The following PPP6R3 variants were observed in gnomAD, a reference collection of about 807,000 sequenced individuals.
PPP6R3 encodes protein phosphatase 6 regulatory subunit 3.
In PPP6R3, 38 loss-of-function variants were observed where a neutral mutation model predicts 110.7. The observed-to-expected ratio is 0.34, with a 90% CI of 0.26 to 0.45. The LOEUF is 0.45. PPP6R3 is among the 20% of genes least tolerant of loss of function. The probability of loss-of-function intolerance (pLI) is 1.00; values close to 1 mark genes in which losing one functional copy is unlikely to be tolerated. For synonymous variants in PPP6R3, 369 were observed against 373.5 expected (o/e 0.99, Z 0.14); for missense variants, 870 against 1,062.4 (o/e 0.82, Z 2.52).
chr11:68,582,708 A>G (rs534471516), intron 14 of PPP6R3, among the ~76,000 whole-genome samples: 8 of 152,316 alleles, frequency 5.3e-5, no homozygotes, highest in African/African-American at 1.9e-4. Context: ...CTGTGCCATT[A>G]CCTCTGTCTT....
intron 14 of PPP6R3, among the ~76,000 whole-genome samples, chr11:68,581,088 T>G (rs2099552679): frequency 6.6e-6 from 1 of 152,144 alleles, no homozygotes; most frequent in Non-Finnish European, 1.5e-5. Flanking sequence ...ATCATCTTTT[T>G]AGCTCATTTT....
At position 68,599,381 on chromosome 11, in the gene PPP6R3, G is replaced by A. The variant is rs117335053; in HGVS notation, c.2039-960G>A. Among the ~76,000 whole-genome samples, 827 of 152,314 alleles carry A rather than the reference G, an allele frequency of 5.4e-3. 5 individuals carry two copies. The highest frequency in any genetic ancestry group is 8.4e-3 in the Non-Finnish European group (568 of 68,022). On this transcript the variant is annotated intron_variant, in intron 19 of 23. Coordinates refer to ENST00000393800, the MANE Select transcript of PPP6R3 (RefSeq NM_001164161.2). Reference sequence around the variant, plus strand: ...CATTTAAGGAGAGACCTGCAGATTAGACCCAAACTTGGCCAGCAGGCAGCA... The same window carrying A: ...CATTTAAGGAGAGACCTGCAGATTAAACCCAAACTTGGCCAGCAGGCAGCA...
intron 1 of PPP6R3, chr11:68,488,580 T>A (rs2098963343): frequency 6.6e-6 from 1 of 152,472 alleles, no homozygotes; most frequent in Non-Finnish European, 1.5e-5. Flanking sequence ...TTCTTCCCTG[T>A]CAACGGAGGT....
intron 2 of PPP6R3, among the ~76,000 whole-genome samples, chr11:68,537,113 A>C (rs765999165): frequency 3.3e-5 from 5 of 152,228 alleles, no homozygotes; most frequent in Non-Finnish European, 7.3e-5. Flanking sequence ...CCTAGTAAAC[A>C]GAGGAGAATC....
In PPP6R3 at chr11:68,590,644, T is replaced by A. The variant is rs1171238156; in HGVS notation, c.1731-16T>A. The A allele has an allele frequency of 6.6e-7, 1 of 1,509,408 alleles. No individual in the cohort carries two copies. Among genetic ancestry groups the A allele is most frequent in the East Asian group, 2.4e-5 (1 of 42,298 alleles). The allele number at this position is 1,509,408 out of a possible 1,614,324, so 93.5% of individuals were successfully genotyped here. A position where few individuals can be genotyped will look rare whatever the true frequency, so the allele number is the denominator to read the frequency against. On this transcript the variant is annotated splice_polypyrimidine_tract_variant and intron_variant, in intron 16 of 23. Transcript: ENST00000393800. ...GTAATTAATGCTTCCTACACTTTTA[T>A]TTTGTTTTTTTACAGTGTTTCTTTT...
chr11:68,609,651 GTT>G (rs760122671), intron 22 of PPP6R3: 4 of 1,555,080 alleles, frequency 2.6e-6, no homozygotes, highest in South Asian at 2.4e-5. Context: ...TTATGGGACC[GTT>G]CTTTATCAGA....
intron 2 of PPP6R3, among the ~76,000 whole-genome samples, chr11:68,523,758 TTATAA>T (rs2099178947): frequency 7.4e-6 from 1 of 134,960 alleles, no homozygotes; most frequent in East Asian, 2.5e-4. Flanking sequence ...GGGTGATAGA[TTATAA>T]TATGTTATTC....
At chr11:68,474,699 G>C (rs907280983) in intron 1 of PPP6R3, among the ~76,000 whole-genome samples, 2 of 152,078 alleles carry the variant, frequency 1.3e-5, no homozygotes, top group Non-Finnish European at 2.9e-5. Context: ...AGTGTTTTCT[G>C]TCTCAGATTT....
chr11:68,600,300 A>T (rs1262607025), intron 19 of PPP6R3, 41 bp from the exon 20 acceptor site: 1 of 1,586,036 alleles, frequency 6.3e-7, no homozygotes, highest in South Asian at 1.1e-5. Context: ...ACATGAAACG[A>T]CTGAAGTGTT....
chr11:68,499,173 A>G (rs1213067959), intron 1 of PPP6R3, among the ~76,000 whole-genome samples: 1 of 152,000 alleles, frequency 6.6e-6, no homozygotes, highest in Non-Finnish European at 1.5e-5. Flanking sequence ...ATTATCCCCA[A>G]ACGTAGTGGA....
intron 1 of PPP6R3, among the ~76,000 whole-genome samples, chr11:68,514,787 G>A (rs2099127868): frequency 6.6e-6 from 1 of 152,222 alleles, no homozygotes; most frequent in Admixed American, 6.5e-5. Flanking sequence ...GTTTCGCCAT[G>A]TTGGCCAGGC....
At chr11:68,594,560 A>G (rs1169693563) in intron 18 of PPP6R3, among the ~76,000 whole-genome samples, 3 of 152,232 alleles carry the variant, frequency 2.0e-5, no homozygotes, top group Non-Finnish European at 2.9e-5. Flanking sequence ...CAAGACCTGT[A>G]TGCTGAAAAG....
intron 1 of PPP6R3, among the ~76,000 whole-genome samples, chr11:68,493,769 T>C (rs1290082064): frequency 1.3e-5 from 2 of 151,780 alleles, no homozygotes; most frequent in Non-Finnish European, 2.9e-5. Context: ...GGTACTGTTA[T>C]TTTTATTAAT....
Position 68,508,121 on chromosome 11 carries a change from C to CTTTTTTTTTTTTTTT in PPP6R3, c.-157-11369_-157-11355dup, listed in dbSNP as rs748376581. On this transcript the variant is annotated intron_variant, in intron 1 of 23. Coordinates refer to ENST00000393800, the MANE Select transcript of PPP6R3 (RefSeq NM_001164161.2). The stretch of plus-strand genomic sequence containing the variant: ...CCCCGGCCTAAGTGAGTTTTTTGGC[C>CTTTTTTTTTTTTTTT]TTTTTTTTTTTTTTTTTTTTTTTTT... Among the ~76,000 whole-genome samples, 41 of 77,622 alleles carry CTTTTTTTTTTTTTTT rather than the reference C, an allele frequency of 5.3e-4. 2 individuals carry two copies. Among genetic ancestry groups the CTTTTTTTTTTTTTTT allele is most frequent in the African/African-American group, 2.2e-3 (36 of 16,442 alleles). The allele number at this position is 77,622 out of a possible 152,430, so 50.9% of individuals were successfully genotyped here.
At position 68,478,647 on chromosome 11, in the gene PPP6R3, G is replaced by GTTTTTTTTTTTTTTTTTTTT. The variant is rs769296530; in HGVS notation, c.-158+17826_-158+17845dup. Among the ~76,000 whole-genome samples, 57 of 50,514 alleles carry GTTTTTTTTTTTTTTTTTTTT rather than the reference G, an allele frequency of 1.1e-3. 20 individuals are homozygous for GTTTTTTTTTTTTTTTTTTTT. Among genetic ancestry groups the GTTTTTTTTTTTTTTTTTTTT allele is most frequent in the African/African-American group, 2.3e-3 (24 of 10,268 alleles). 33.1% of individuals were successfully genotyped at this position (50,514 alleles called of 152,430 possible). A position where few individuals can be genotyped will look rare whatever the true frequency, so the allele number is the denominator to read the frequency against. On this transcript the variant is annotated intron_variant, in intron 1 of 23. Coordinates refer to ENST00000393800, the MANE Select transcript of PPP6R3 (RefSeq NM_001164161.2). ...ACTGATGAGTTAGTGCACTTGGTAAGTTTTTTTTTTTTTTTTTTTTTTTTT... is the reference window on the plus strand; with the variant it reads ...ACTGATGAGTTAGTGCACTTGGTAAGTTTTTTTTTTTTTTTTTTTTTTTTTTTTTTTTTTTTTTTTTTTTT...
intron 10 of PPP6R3, among the ~76,000 whole-genome samples, chr11:68,567,464 G>A (rs1289864107): frequency 6.6e-6 from 1 of 152,178 alleles, no homozygotes; most frequent in Non-Finnish European, 1.5e-5. Context: ...GCTGGGTGCA[G>A]CATTGTTTTC....
intron 5 of PPP6R3, among the ~76,000 whole-genome samples, chr11:68,550,543 A>G (rs192738456): frequency 2.6e-4 from 40 of 152,240 alleles, no homozygotes; most frequent in African/African-American, 9.1e-4. Flanking sequence ...TCATACATGG[A>G]TTAAAAGGAG....
intron 1 of PPP6R3, among the ~76,000 whole-genome samples, chr11:68,495,774 G>A (rs1446495711): frequency 1.3e-5 from 2 of 152,122 alleles, no homozygotes; most frequent in Admixed American, 1.3e-4. Flanking sequence ...TGGCTTTTAT[G>A]AATAATGCTG....
At chr11:68,567,243 C>CA (rs1565894452) in intron 10 of PPP6R3, 77 bp downstream of exon 10, 1 of 1,367,206 alleles carries the variant, frequency 7.3e-7, no homozygotes, top group Non-Finnish European at 9.7e-7. Context: ...TACAACCTTA[C>CA]AAATTTACAT....
Sources: allele counts gnomAD v4.1 joint callset (sites outside exome capture counted in the v4.1 genomes callset), GRCh38; gene constraint gnomAD v4.1.1; transcripts MANE v1.5; gene names NCBI Gene and HGNC (gene_info 2026-07-23, HGNC 2026-07-21).